Variants in PARD3B observed in about 807,000 individuals in gnomAD.
The protein encoded by PARD3B is partitioning defective 3 homolog B.
PARD3B carries 103 observed loss-of-function variants against 130.2 expected under a neutral mutation model. The ratio of observed to expected loss-of-function variants is 0.79; its 90% CI spans 0.67 to 0.93. The LOEUF is 0.93. Among genes scored for constraint, PARD3B ranks in the 40% least tolerant of loss-of-function variants. PARD3B has a pLI of 0.00. For synonymous variants in PARD3B, 583 were observed against 553.2 expected, an observed-to-expected ratio of 1.05 and a Z score of -0.76; for missense variants, 1,609 against 1,499.2, an observed-to-expected ratio of 1.07 and a Z score of -1.21.
chr2:204,626,130 A>G (rs1194179535), intron 1 of PARD3B, among the ~76,000 whole-genome samples: 1 of 152,120 alleles, frequency 6.6e-6, no homozygotes, highest in Non-Finnish European at 1.5e-5. Flanking sequence ...GAACAATTAG[A>G]AGTAGTAATC....
At chr2:205,209,950 T>C (rs1211783088) in intron 15 of PARD3B, among the ~76,000 whole-genome samples, 1 of 152,104 alleles carries the variant, frequency 6.6e-6, no homozygotes, top group Non-Finnish European at 1.5e-5. Context: ...AAGGGGATGA[T>C]ACCCCACTTT....
Position 205,091,866 on chromosome 2 carries a change from T to TC in PARD3B, c.505-12559dup, listed in dbSNP as rs1702130761. Among the ~76,000 whole-genome samples the TC allele has an allele frequency of 6.6e-6, 1 of 152,116 alleles. No homozygotes were observed. The highest frequency in any genetic ancestry group is 1.5e-5 in the Non-Finnish European group (1 of 68,004). ...GTGTATACATTTTTTCATCTCTGTA[T>TC]CTCCAGTGCTTAGCACTGGAGCAAA... On this transcript the variant is annotated intron_variant, in intron 4 of 22. Transcript: ENST00000406610. This position sits in a 1 kb window ranked among gnomAD's most constrained non-coding sequence, Gnocchi z 4.2.
chr2:205,464,689 A>C (rs1435345249), intron 20 of PARD3B, among the ~76,000 whole-genome samples: 1 of 152,222 alleles, frequency 6.6e-6, no homozygotes, highest in African/African-American at 2.4e-5. Context: ...ATGGTAGTTC[A>C]TTCAGTTCAA....
intron 21 of PARD3B, among the ~76,000 whole-genome samples, chr2:205,543,607 C>T (rs2052261321): frequency 6.6e-6 from 1 of 152,204 alleles, no homozygotes; most frequent in Admixed American, 6.5e-5. Flanking sequence ...GGGTCAGACA[C>T]ATCTCAGTTC....
intron 1 of PARD3B, among the ~76,000 whole-genome samples, chr2:204,549,547 A>G (rs1559149801): frequency 6.6e-6 from 1 of 152,168 alleles, no homozygotes; most frequent in Non-Finnish European, 1.5e-5. Flanking sequence ...CCTTCCCCCA[A>G]GATTCTCATT....
intron 3 of PARD3B, among the ~76,000 whole-genome samples, chr2:205,041,219 C>T (rs1160116914): frequency 6.6e-6 from 1 of 152,108 alleles, no homozygotes; most frequent in Non-Finnish European, 1.5e-5. Context: ...TCATATTCAT[C>T]TTTGTGAATG....
At chr2:204,726,096 A>G (rs1458245364) in intron 2 of PARD3B, among the ~76,000 whole-genome samples, 2 of 152,232 alleles carry the variant, frequency 1.3e-5, no homozygotes, top group Non-Finnish European at 2.9e-5. Context: ...TGGATCTGCC[A>G]TGCCTGTACA....
At chr2:205,484,017 C>A (rs1483532607) in intron 20 of PARD3B, among the ~76,000 whole-genome samples, 1 of 152,086 alleles carries the variant, frequency 6.6e-6, no homozygotes, top group Admixed American at 6.6e-5. Context: ...AAATGAGGAA[C>A]TAATGACATC....
chr2:204,681,852 C>G (rs1194329033), intron 1 of PARD3B, among the ~76,000 whole-genome samples: 2 of 152,150 alleles, frequency 1.3e-5, no homozygotes, highest in Non-Finnish European at 2.9e-5. Flanking sequence ...GTGTTATGTG[C>G]AAGTACATTT....
chr2:205,050,487 A>G (rs1391747804), intron 4 of PARD3B, among the ~76,000 whole-genome samples: 1 of 151,936 alleles, frequency 6.6e-6, no homozygotes, highest in Non-Finnish European at 1.5e-5. Flanking sequence ...CTAGTTTAGT[A>G]GCCACTAGCC....
intron 16 of PARD3B, among the ~76,000 whole-genome samples, chr2:205,247,383 A>C (rs1467921476): frequency 6.6e-6 from 1 of 152,244 alleles, no homozygotes; most frequent in East Asian, 1.9e-4. Context: ...ATAAAATATT[A>C]ATAAAGAATT....
At chr2:205,386,426 A>T (rs1019870837) in intron 18 of PARD3B, among the ~76,000 whole-genome samples, 6 of 152,176 alleles carry the variant, frequency 3.9e-5, no homozygotes, top group African/African-American at 1.2e-4. Context: ...GTTTCTTAGC[A>T]ATCTGATCAA....
intron 2 of PARD3B, among the ~76,000 whole-genome samples, chr2:204,752,854 T>C (rs1348949035): frequency 1.3e-5 from 2 of 152,208 alleles, no homozygotes; most frequent in Non-Finnish European, 2.9e-5. Context: ...TTAGGCTTAA[T>C]TGGAAAAGCC....
intron 2 of PARD3B, among the ~76,000 whole-genome samples, chr2:204,953,477 G>T (rs1445254671): frequency 7.0e-6 from 1 of 142,668 alleles, no homozygotes; most frequent in Admixed American, 7.1e-5. Flanking sequence ...AAGGCTGGAG[G>T]GAAAGCACCA....
At chr2:205,059,783 G>C (rs1446522566) in intron 4 of PARD3B, among the ~76,000 whole-genome samples, 1 of 152,024 alleles carries the variant, frequency 6.6e-6, no homozygotes, top group South Asian at 2.1e-4. Flanking sequence ...TTTAATTTCA[G>C]CTTTAATAGC....
At chr2:205,004,175 C>G (rs147491334) in intron 3 of PARD3B, among the ~76,000 whole-genome samples, 1 of 152,126 alleles carries the variant, frequency 6.6e-6, no homozygotes, top group Non-Finnish European at 1.5e-5. Context: ...GAAATTACCC[C>G]CTCCAGGTCT....
chr2:205,172,256 G>T lies in PARD3B; in HGVS notation c.1666G>T (p.Glu556Ter). 1 of 1,614,160 alleles carries T rather than the reference G, an allele frequency of 6.2e-7. No individual in the cohort carries two copies. Residue 556 changes from glutamate to a stop codon, truncating the protein, a stop_gained, in exon 12 of 23, where the codon GAA becomes TAA. Transcript: ENST00000406610. LOFTEE classifies it high-confidence loss of function. ...TGACCAGCTGATTGCAGTTAATGGG[G>T]AATCTCTTTTGGGAAAGTCCAACCA... The part of the protein sequence containing the change: ...MNDQLIAVNG[E>*]SLLGKSNHEA...
chr2:205,318,103 C>A (rs1423014646), intron 18 of PARD3B, among the ~76,000 whole-genome samples: 1 of 152,132 alleles, frequency 6.6e-6, no homozygotes. Flanking sequence ...ACAGTAAAAA[C>A]CCTAATTCTA....
intron 21 of PARD3B, among the ~76,000 whole-genome samples, chr2:205,552,371 G>C (rs1281458910): frequency 6.6e-6 from 1 of 152,124 alleles, no homozygotes; most frequent in East Asian, 1.9e-4. Context: ...TGTTAGTAAA[G>C]AAAGGTTTTA....
Sources: allele counts gnomAD v4.1 joint callset (sites outside exome capture counted in the v4.1 genomes callset), GRCh38; gene constraint gnomAD v4.1.1; non-coding constraint Gnocchi (gnomAD v3.1); transcripts MANE v1.5; gene names NCBI Gene and HGNC (gene_info 2026-07-23, HGNC 2026-07-21).